Variants in RAB6A observed in about 807,000 individuals in gnomAD.
The protein encoded by RAB6A is RAB6A, member RAS oncogene family, also known as ras-related protein Rab-6A.
RAB6A carries 8 observed loss-of-function variants against 32.3 expected under a neutral mutation model. The ratio of observed to expected loss-of-function variants is 0.25; its 90% confidence interval spans 0.15 to 0.45. RAB6A has a LOEUF of 0.45. Ranked by LOEUF, RAB6A falls within the 20% of genes least tolerant of loss-of-function variation. The pLI, the probability that RAB6A is intolerant of heterozygous loss-of-function variation, is 1.00. For missense variants in RAB6A, 104 were observed against 249.4 expected, an observed-to-expected ratio of 0.42 and a Z score of 3.93; for synonymous variants, 73 against 82.1, an observed-to-expected ratio of 0.89 and a Z score of 0.60.
At chr11:73,753,348 C>T (rs888869254) in intron 1 of RAB6A, among the ~76,000 whole-genome samples, 2 of 152,048 alleles carry the variant, frequency 1.3e-5, no homozygotes, top group East Asian at 3.9e-4. Context: ...AGATGCACGC[C>T]ATCATGCCCA....
chr11:73,702,218 G>C (rs1297972373), intron 6 of RAB6A, among the ~76,000 whole-genome samples: 1 of 152,224 alleles, frequency 6.6e-6, no homozygotes, highest in Non-Finnish European at 1.5e-5. Context: ...CTGGAATGCA[G>C]TGGCGCAATC....
In RAB6A at chr11:73,697,055, TATC is replaced by T. The variant is rs561707868; in HGVS notation, c.495+10362_495+10364del. On this transcript the variant is annotated intron_variant, in intron 6 of 7. Coordinates refer to ENST00000336083, the MANE Select transcript of RAB6A (RefSeq NM_198896.2). The stretch of plus-strand genomic sequence containing the variant: ...TAACTATCTCTGTGAGCTCTTTTCT[TATC>T]ATATGCCCCTTCCTTCACTCTAGTG... Among the ~76,000 whole-genome samples, 284 of 152,288 alleles carry T rather than the reference TATC, an allele frequency of 1.9e-3. 2 individuals carry two copies. Among genetic ancestry groups the T allele is most frequent in the African/African-American group, 6.7e-3 (280 of 41,556 alleles).
intron 5 of RAB6A, 77 bp from the exon 6 acceptor site, chr11:73,707,590 A>G: frequency 8.9e-7 from 1 of 1,125,694 alleles, no homozygotes; most frequent in Non-Finnish European, 1.3e-6. Flanking sequence ...AGCTCTGAAA[A>G]TAACTTTCCT....
At chr11:73,693,617 G>C (rs1001424092) in intron 6 of RAB6A, among the ~76,000 whole-genome samples, 1 of 149,692 alleles carries the variant, frequency 6.7e-6, no homozygotes, top group African/African-American at 2.5e-5. Flanking sequence ...TGGGCGCTGT[G>C]GCTTATGCAT....
chr11:73,696,553 ATTATT>A (rs1334851914), intron 6 of RAB6A, among the ~76,000 whole-genome samples: 1 of 151,994 alleles, frequency 6.6e-6, no homozygotes, highest in Non-Finnish European at 1.5e-5. Flanking sequence ...TAAATGAAAG[ATTATT>A]TTATTACTTG....
At chr11:73,752,174 G>A (rs565455412) in intron 1 of RAB6A, among the ~76,000 whole-genome samples, 1 of 152,268 alleles carries the variant, frequency 6.6e-6, no homozygotes, top group Admixed American at 6.5e-5. Context: ...AGATGCTACA[G>A]AAGGCTGGGT....
intron 6 of RAB6A, among the ~76,000 whole-genome samples, chr11:73,696,150 C>T (rs1180893128): frequency 1.3e-5 from 2 of 152,032 alleles, no homozygotes; most frequent in Non-Finnish European, 2.9e-5. Context: ...GTGTTTTATA[C>T]ATAACTGAAT....
At chr11:73,747,374 T>C (rs894103778) in intron 1 of RAB6A, among the ~76,000 whole-genome samples, 1 of 151,944 alleles carries the variant, frequency 6.6e-6, no homozygotes, top group African/African-American at 2.4e-5. Context: ...AGCTACTCTT[T>C]GCATTTTTAG....
intron 1 of RAB6A, among the ~76,000 whole-genome samples, chr11:73,742,303 T>TAAATA (rs141414619): frequency 2.0e-5 from 3 of 151,560 alleles, no homozygotes; most frequent in African/African-American, 7.3e-5. Flanking sequence ...AATAAATAAA[T>TAAATA]AATAATAAAA....
chr11:73,676,732 G>GA lies in RAB6A; in HGVS notation c.*1165dup, dbSNP rs1318981044. On this transcript the variant is annotated 3_prime_UTR_variant, in exon 8 of 8. Transcript: ENST00000336083. Reference sequence around the variant, plus strand: ...CTGATCTGCCTCTAGGGGCTTACAAGAAAACGGTTTCCGGTTTCCGTCTTC... The same window carrying GA: ...CTGATCTGCCTCTAGGGGCTTACAAGAAAAACGGTTTCCGGTTTCCGTCTTC... 2 of 167,160 alleles carry GA rather than the reference G, an allele frequency of 1.2e-5. No homozygotes were observed. The highest frequency in any genetic ancestry group is 4.8e-5 in the African/African-American group (2 of 41,564). The allele number at this position is 167,160 out of a possible 1,614,324, so 10.4% of individuals were successfully genotyped here.
At chr11:73,739,235 A>ACT (rs1946449252) in intron 1 of RAB6A, among the ~76,000 whole-genome samples, 1 of 131,938 alleles carries the variant, frequency 7.6e-6, no homozygotes, top group Non-Finnish European at 1.6e-5. Flanking sequence ...ACAGAGCAAG[A>ACT]CTGCAAAAAA....
At position 73,750,674 on chromosome 11, in the gene RAB6A, T is replaced by C. The variant is rs1454641767; in HGVS notation, c.70+9892A>G. Among the ~76,000 whole-genome samples the C allele has an allele frequency of 2.6e-5, 4 of 152,244 alleles. No individual in the cohort carries two copies. The South Asian group carries it at 6.2e-4, about 24-fold the overall frequency. Reference sequence around the variant, plus strand: ...ACCAGGCCAAGATTTCCTTCCTTTTTAAGGCTAATATTCCATTGTATGCAT... The same window carrying C: ...ACCAGGCCAAGATTTCCTTCCTTTTCAAGGCTAATATTCCATTGTATGCAT... On this transcript the variant is annotated intron_variant, in intron 1 of 7. Coordinates refer to ENST00000336083, the MANE Select transcript of RAB6A (RefSeq NM_198896.2).
intron 4 of RAB6A, among the ~76,000 whole-genome samples, 158 bp downstream of exon 4, chr11:73,718,455 C>A (rs1038417357): frequency 1.3e-5 from 2 of 152,094 alleles, no homozygotes; most frequent in African/African-American, 4.8e-5. Flanking sequence ...TTGGTATAAA[C>A]ACCAAAGCAA....
chr11:73,750,240 T>C (rs1160057901), intron 1 of RAB6A, among the ~76,000 whole-genome samples: 3 of 152,138 alleles, frequency 2.0e-5, no homozygotes, highest in African/African-American at 7.2e-5. Context: ...TTAGTACTTA[T>C]TAATTTTAAA....
At chr11:73,686,293 C>T (rs1945454609) in intron 6 of RAB6A, among the ~76,000 whole-genome samples, 3 of 152,256 alleles carry the variant, frequency 2.0e-5, no homozygotes, top group Non-Finnish European at 2.9e-5. Context: ...CAGTGGCTCA[C>T]GCCTGTAATC....
intron 1 of RAB6A, among the ~76,000 whole-genome samples, chr11:73,754,303 G>A (rs1380130459): frequency 6.6e-6 from 1 of 152,202 alleles, no homozygotes; most frequent in Non-Finnish European, 1.5e-5. Context: ...ACCTAACCCA[G>A]CAGTTTACAA....
At chr11:73,753,568 G>A (rs919516434) in intron 1 of RAB6A, among the ~76,000 whole-genome samples, 4 of 151,752 alleles carry the variant, frequency 2.6e-5, no homozygotes, top group South Asian at 2.1e-4. Flanking sequence ...AAAATTAGCC[G>A]GGCATGGTGG....
At chr11:73,714,641 G>A (rs556530556) in intron 5 of RAB6A, among the ~76,000 whole-genome samples, 1 of 151,580 alleles carries the variant, frequency 6.6e-6, no homozygotes, top group East Asian at 1.9e-4. Context: ...CAACCCAGGT[G>A]ACAATGCGAG....
At position 73,716,416 on chromosome 11, in the gene RAB6A, G is replaced by A. The variant is rs925071516; in HGVS notation, c.290-54C>T. Reference sequence around the variant, plus strand: ...AGTGTTGCTGAAAAATGCCTCCCCAGGTGGTGGGCACCTCCCTCCAAAAAA... The same window carrying A: ...AGTGTTGCTGAAAAATGCCTCCCCAAGTGGTGGGCACCTCCCTCCAAAAAA... On this transcript the variant is annotated intron_variant, in intron 4 of 7. Coordinates refer to ENST00000336083, the MANE Select transcript of RAB6A (RefSeq NM_198896.2). 6.1e-5 allele frequency: 83 copies of A among 1,352,656 alleles called. No individual in the cohort carries two copies. The Admixed American group carries it at 1.5e-3, about 24-fold the overall frequency. The allele number at this position is 1,352,656 out of a possible 1,614,324, so 83.8% of individuals were successfully genotyped here.
Sources: allele counts gnomAD v4.1 joint callset (sites outside exome capture counted in the v4.1 genomes callset), GRCh38; gene constraint gnomAD v4.1.1; transcripts MANE v1.5; gene names NCBI Gene and HGNC (gene_info 2026-07-23, HGNC 2026-07-21).